RALGAPA2: variants seen among roughly 807,000 people sequenced by gnomAD.
RALGAPA2 encodes ral GTPase-activating protein subunit alpha-2.
A neutral mutation model predicts 230.4 loss-of-function variants in RALGAPA2; 139 were observed. The ratio of observed to expected loss-of-function variants is 0.60; its 90% CI spans 0.53 to 0.69. The LOEUF is 0.69. Ranked by LOEUF, RALGAPA2 falls within the 30% of genes least tolerant of loss-of-function variation. The pLI is 0.00. For missense variants in RALGAPA2, 2,163 were observed against 2,276.0 expected (o/e 0.95, Z 1.01); for synonymous variants, 847 against 837.8 (o/e 1.01, Z -0.19).
At chr20:20,393,841 C>A (rs894210186) in intron 39 of RALGAPA2, among the ~76,000 whole-genome samples, 1 of 152,198 alleles carries the variant, frequency 6.6e-6, no homozygotes, top group Admixed American at 6.5e-5. Context: ...CTGCACCCCC[C>A]GCTTCCCCAG....
intron 3 of RALGAPA2, 23 bp downstream of exon 3, chr20:20,676,213 T>G (rs1444335149): frequency 6.9e-7 from 1 of 1,455,974 alleles, no homozygotes; most frequent in African/African-American, 1.4e-5. Context: ...TTATAAAAGC[T>G]AAATAAACTC....
intron 36 of RALGAPA2, among the ~76,000 whole-genome samples, chr20:20,492,821 C>A (rs2062098309): frequency 6.6e-6 from 1 of 152,124 alleles, no homozygotes; most frequent in African/African-American, 2.4e-5. Flanking sequence ...AAGACTGCAT[C>A]ACGGTTACTG....
At chr20:20,452,319 G>A (rs1426488136) in intron 37 of RALGAPA2, among the ~76,000 whole-genome samples, 1 of 152,214 alleles carries the variant, frequency 6.6e-6, no homozygotes, top group East Asian at 1.9e-4. Context: ...TTTAGCTGGA[G>A]GGGTTAAAAG....
chr20:20,630,843 A>T (rs2066649257), intron 9 of RALGAPA2, among the ~76,000 whole-genome samples: 1 of 152,176 alleles, frequency 6.6e-6, no homozygotes, highest in Non-Finnish European at 1.5e-5. Flanking sequence ...CAGAGGCTAG[A>T]TTAGGTCTAA....
At chr20:20,479,209 G>A (rs915021335) in intron 36 of RALGAPA2, among the ~76,000 whole-genome samples, 42 of 152,120 alleles carry the variant, frequency 2.8e-4, no homozygotes, top group African/African-American at 6.3e-4. Context: ...TAAAATCTTC[G>A]AATAACCATA....
intron 33 of RALGAPA2, among the ~76,000 whole-genome samples, chr20:20,506,911 T>C (rs2062552742): frequency 6.6e-6 from 1 of 152,206 alleles, no homozygotes; most frequent in African/African-American, 2.4e-5. Context: ...CCCTATGGTT[T>C]ATATGCAATA....
At chr20:20,561,861 T>C (rs1009932975) in intron 23 of RALGAPA2, among the ~76,000 whole-genome samples, 1 of 152,240 alleles carries the variant, frequency 6.6e-6, no homozygotes, top group Admixed American at 6.5e-5. Flanking sequence ...AAATTCTTTG[T>C]TGTGTTTCTG....
intron 23 of RALGAPA2, among the ~76,000 whole-genome samples, chr20:20,547,802 T>C (rs2063813986): frequency 6.6e-6 from 1 of 152,238 alleles, no homozygotes; most frequent in South Asian, 2.1e-4. Context: ...TTAGGCAATC[T>C]ATGATCATCT....
At chr20:20,627,013 G>A (rs375495102) in intron 10 of RALGAPA2, among the ~76,000 whole-genome samples, 2 of 152,298 alleles carry the variant, frequency 1.3e-5, no homozygotes, top group South Asian at 4.1e-4. Flanking sequence ...CCTTTCACAT[G>A]TACAACAGGA....
At chr20:20,607,810 C>G (rs1568642687) in intron 14 of RALGAPA2, among the ~76,000 whole-genome samples, 1 of 152,140 alleles carries the variant, frequency 6.6e-6, no homozygotes. Flanking sequence ...CTTCTTGCAG[C>G]TTATAAAATC....
In RALGAPA2 at chr20:20,531,773, C is replaced by G. The variant is rs548633082; in HGVS notation, c.3496G>C (p.Gly1166Arg). Residue 1166 changes from glycine to arginine, a missense_variant, in exon 27 of 40, where the codon GGG becomes CGG. By Grantham distance (125) the Gly-to-Arg change is moderately radical. Coordinates refer to ENST00000202677, the MANE Select transcript of RALGAPA2 (RefSeq NM_020343.4). ...GCAAGCTCTTCACATATCCAGACCC[C>G]AAGGGAGCAAACAGCAATGCATCTT... ...YARCIAVCSL[G>R]VWICEELAQC... 6.2e-7 allele frequency: 1 copy of G among 1,605,194 alleles called. No individual in the cohort carries two copies. The highest frequency in any genetic ancestry group is 1.1e-5 in the South Asian group (1 of 89,188).
intron 3 of RALGAPA2, among the ~76,000 whole-genome samples, chr20:20,668,206 C>T (rs1419564922): frequency 6.6e-6 from 1 of 152,134 alleles, no homozygotes; most frequent in Non-Finnish European, 1.5e-5. Context: ...AGTTTGAGAC[C>T]AGCCTGACCA....
intron 37 of RALGAPA2, among the ~76,000 whole-genome samples, chr20:20,414,053 A>C (rs978064740): frequency 5.9e-5 from 9 of 152,258 alleles, no homozygotes; most frequent in Non-Finnish European, 1.2e-4. Context: ...GAACAGCAGG[A>C]CGTTAGGCCT....
chr20:20,442,185 C>T (rs967724379), intron 37 of RALGAPA2, among the ~76,000 whole-genome samples: 2 of 152,176 alleles, frequency 1.3e-5, no homozygotes, highest in Non-Finnish European at 2.9e-5. Context: ...TCTGTGCTTT[C>T]GCTTCTTTCT....
intron 4 of RALGAPA2, among the ~76,000 whole-genome samples, chr20:20,645,077 G>A (rs1425222419): frequency 1.3e-5 from 2 of 150,268 alleles, no homozygotes; most frequent in African/African-American, 2.4e-5. Flanking sequence ...TGTTAAGATG[G>A]GTCTGGCTTG....
intron 14 of RALGAPA2, among the ~76,000 whole-genome samples, chr20:20,610,899 G>A (rs142286893): frequency 1.2e-4 from 19 of 152,192 alleles, no homozygotes; most frequent in African/African-American, 4.1e-4. Flanking sequence ...CCCTTTCTCA[G>A]CATCTCTCCC....
intron 9 of RALGAPA2, among the ~76,000 whole-genome samples, chr20:20,633,259 C>T (rs756204665): frequency 1.3e-5 from 2 of 151,930 alleles, no homozygotes; most frequent in African/African-American, 4.8e-5. Flanking sequence ...CTCAGCTTCC[C>T]GAGTAGCTGG....
intron 2 of RALGAPA2, 66 bp from the exon 3 acceptor site, chr20:20,676,354 C>T: frequency 9.0e-7 from 1 of 1,112,760 alleles, no homozygotes; most frequent in Non-Finnish European, 1.3e-6. Flanking sequence ...ACAAATTATG[C>T]TAAAAGGCAG....
chr20:20,637,526 C>T (rs1371764804), intron 7 of RALGAPA2, 25 bp from the exon 8 acceptor site: 5 of 1,526,034 alleles, frequency 3.3e-6, no homozygotes, highest in Middle Eastern at 2.0e-4. Flanking sequence ...TGGAAAAGAA[C>T]ATATGTATAT....
Sources: gnomAD v4.1 joint callset for allele counts (sites outside exome capture counted in the v4.1 genomes callset) on GRCh38, gnomAD v4.1.1 for gene constraint, MANE v1.5 for transcripts, NCBI Gene and HGNC (gene_info 2026-07-23, HGNC 2026-07-21) for gene names.